Variants in TMC1 observed in about 807,000 individuals in gnomAD.
TMC1 encodes transmembrane channel like 1.
A neutral mutation model predicts 105.8 loss-of-function variants in TMC1; 84 were observed. That is an observed-to-expected ratio of 0.79 (90% CI 0.67 to 0.95). The LOEUF is 0.95. Ranked by LOEUF, TMC1 falls within the 40% of genes least tolerant of loss-of-function variation. The pLI is 0.00. For synonymous variants in TMC1, 315 were observed against 311.5 expected, an observed-to-expected ratio of 1.01 and a Z score of -0.12; for missense variants, 817 against 914.1, an observed-to-expected ratio of 0.89 and a Z score of 1.37.
At chr9:72,606,992 T>TAGAGAGAGAG (rs1391567236) in intron 2 of TMC1, among the ~76,000 whole-genome samples, 19 of 93,030 alleles carry the variant, frequency 2.0e-4, no homozygotes, top group Non-Finnish European at 3.3e-4. Flanking sequence ...CATATATATA[T>TAGAGAGAGAG]ATATATATAT....
chr9:72,661,423 C>T (rs1294757540), intron 5 of TMC1, among the ~76,000 whole-genome samples: 1 of 152,188 alleles, frequency 6.6e-6, no homozygotes, highest in Non-Finnish European at 1.5e-5. Flanking sequence ...GCACTTTTTC[C>T]ACCCTCTACA....
At chr9:72,831,854 T>C (rs1342583752) in intron 23 of TMC1, among the ~76,000 whole-genome samples, 3 of 152,034 alleles carry the variant, frequency 2.0e-5, no homozygotes, top group Non-Finnish European at 4.4e-5. Context: ...ACATTTGGGT[T>C]GGTTCCAAGT....
At chr9:72,674,224 T>C (rs1250265154) in intron 5 of TMC1, among the ~76,000 whole-genome samples, 1 of 152,204 alleles carries the variant, frequency 6.6e-6, no homozygotes, top group African/African-American at 2.4e-5. Context: ...GGTCTATAAT[T>C]CAACAGAATC....
At position 72,772,525 on chromosome 9, in the gene TMC1, T is replaced by C; in HGVS notation, c.854T>C (p.Ile285Thr). ...TATTTTCTAGTGGGGATTATGTGCA[T>C]TGGATACAGCTTTCTGGTTGTCCTC... Reference protein sequence around the residue: ...LSYFLVGIMCIGYSFLVVLKA... With the variant: ...LSYFLVGIMCTGYSFLVVLKA... The change falls in exon 13 of 24, where the codon ATT becomes ACT. Residue 285 changes from isoleucine (I) to threonine (T), a missense_variant. Ile to Thr is a moderately conservative substitution (Grantham distance 89). Coordinates refer to ENST00000297784, the MANE Select transcript of TMC1 (RefSeq NM_138691.3). 1 of 1,613,948 alleles carries C rather than the reference T, an allele frequency of 6.2e-7. No individual in the cohort carries two copies. Among genetic ancestry groups the C allele is most frequent in the Non-Finnish European group, 8.5e-7 (1 of 1,179,830 alleles).
intron 23 of TMC1, among the ~76,000 whole-genome samples, chr9:72,831,523 GGT>G (rs1829040996): frequency 6.6e-6 from 1 of 151,940 alleles, no homozygotes; most frequent in South Asian, 2.1e-4. Flanking sequence ...GTGCCATGTT[GGT>G]GTGCTGCACC....
chr9:72,551,411 C>CT (rs1377633050), intron 1 of TMC1, among the ~76,000 whole-genome samples: 1 of 152,156 alleles, frequency 6.6e-6, no homozygotes, highest in African/African-American at 2.4e-5. Context: ...CAAAGCACCC[C>CT]TATGCTCTGA....
intron 1 of TMC1, among the ~76,000 whole-genome samples, chr9:72,541,950 TA>T (rs1478074040): frequency 6.6e-6 from 1 of 151,786 alleles, no homozygotes; most frequent in Non-Finnish European, 1.5e-5. Context: ...AAAGGATTGT[TA>T]AAAAACAAAA....
In TMC1 at chr9:72,825,277, A is replaced by C. The variant is rs539063050; in HGVS notation, c.2004-1592A>C. 4.6e-5 allele frequency among the ~76,000 whole-genome samples: 7 copies of C among 152,322 alleles called. No homozygotes were observed. In the South Asian group the frequency reaches 1.4e-3, roughly 32 times the overall value. ...GCTGGGAAGACAGGCCTCCTCATAAACTGTTCTAATCTAGAGTGGCGCTAT... is the reference window on the plus strand; with the variant it reads ...GCTGGGAAGACAGGCCTCCTCATAACCTGTTCTAATCTAGAGTGGCGCTAT... On this transcript the variant is annotated intron_variant, in intron 20 of 23. Transcript: ENST00000297784.
chr9:72,626,152 C>T (rs1448107780), intron 3 of TMC1, among the ~76,000 whole-genome samples: 1 of 152,156 alleles, frequency 6.6e-6, no homozygotes. Context: ...GTAATTTCAG[C>T]CCCAGTCACT....
At chr9:72,834,792 C>A (rs1327904297) in intron 23 of TMC1, among the ~76,000 whole-genome samples, 1 of 152,118 alleles carries the variant, frequency 6.6e-6, no homozygotes, top group Admixed American at 6.5e-5. Context: ...TTCATTTGTA[C>A]CAAGTGAAGC....
chr9:72,758,294 A>C (rs1827703018), intron 12 of TMC1, among the ~76,000 whole-genome samples: 1 of 152,216 alleles, frequency 6.6e-6, no homozygotes, highest in Non-Finnish European at 1.5e-5. Context: ...AATTGAGCAC[A>C]TTCTCTATAC....
intron 1 of TMC1, among the ~76,000 whole-genome samples, chr9:72,554,378 G>A (rs1266216961): frequency 1.3e-5 from 2 of 152,124 alleles, no homozygotes; most frequent in Non-Finnish European, 2.9e-5. Flanking sequence ...TTAAAATGTT[G>A]ACCATGTGGA....
intron 4 of TMC1, among the ~76,000 whole-genome samples, chr9:72,643,549 C>T (rs1825660877): frequency 6.6e-6 from 1 of 152,118 alleles, no homozygotes; most frequent in Non-Finnish European, 1.5e-5. Context: ...AATCATATAG[C>T]ATGTGCTCTT....
At chr9:72,557,431 G>T (rs1345970061) in intron 1 of TMC1, among the ~76,000 whole-genome samples, 1 of 152,128 alleles carries the variant, frequency 6.6e-6, no homozygotes, top group African/African-American at 2.4e-5. Flanking sequence ...TTCTGGATGG[G>T]ATTATGATAA....
chr9:72,708,985 G>C (rs1826789445), intron 8 of TMC1, among the ~76,000 whole-genome samples: 1 of 147,896 alleles, frequency 6.8e-6, no homozygotes, highest in Non-Finnish European at 1.5e-5. Context: ...TTTGTCAAAT[G>C]CTTTTTCTGT....
intron 12 of TMC1, among the ~76,000 whole-genome samples, chr9:72,766,968 G>C (rs968841258): frequency 6.6e-6 from 1 of 152,202 alleles, no homozygotes; most frequent in Non-Finnish European, 1.5e-5. Flanking sequence ...CAAGGCCCGG[G>C]CTGGCTGCTG....
intron 9 of TMC1, 131 bp from the exon 10 acceptor site, chr9:72,742,313 A>G: frequency 1.3e-6 from 1 of 747,630 alleles, no homozygotes. Flanking sequence ...TCCCCCTTTG[A>G]CTAGAAAGTA....
chr9:72,623,285 G>C lies in TMC1; in HGVS notation c.-195-4636G>C, dbSNP rs146792998. The stretch of plus-strand genomic sequence containing the variant: ...CCCAAGTCCTCTATCAAAAAGTGTG[G>C]ACAGAGCTGTCGGTTTTCCTGGGGT... On this transcript the variant is annotated intron_variant, in intron 3 of 23. Transcript: ENST00000297784. Among the ~76,000 whole-genome samples the C allele has an allele frequency of 5.9e-3, 894 of 151,860 alleles. 15 individuals carry two copies. The highest frequency in any genetic ancestry group is 0.02 in the African/African-American group (833 of 41,432).
At chr9:72,663,534 G>C (rs184982605) in intron 5 of TMC1, among the ~76,000 whole-genome samples, 44 of 152,232 alleles carry the variant, frequency 2.9e-4, no homozygotes, top group Middle Eastern at 3.4e-3. Context: ...AAGTTAGTTG[G>C]ACCTGTCCCC....
Sources: allele counts gnomAD v4.1 joint callset (sites outside exome capture counted in the v4.1 genomes callset), GRCh38; gene constraint gnomAD v4.1.1; transcripts MANE v1.5; gene names NCBI Gene and HGNC (gene_info 2026-07-23, HGNC 2026-07-21).